TLL1: variants seen among roughly 807,000 people sequenced by gnomAD.
TLL1 encodes tolloid like 1.
In TLL1, 49 loss-of-function variants were observed where a neutral mutation model predicts 128.2. The ratio of observed to expected loss-of-function variants is 0.38; its 90% CI spans 0.30 to 0.48. TLL1 has a LOEUF of 0.48. Among genes scored for constraint, TLL1 ranks in the 20% least tolerant of loss-of-function variants. The pLI, the probability that TLL1 is intolerant of heterozygous loss-of-function variation, is 0.96. For synonymous variants in TLL1, 454 were observed against 418.8 expected (o/e 1.08, Z -1.03); for missense variants, 1,123 against 1,242.0 (o/e 0.90, Z 1.44).
chr4:165,947,192 C>A (rs970147309), intron 1 of TLL1, among the ~76,000 whole-genome samples: 2 of 152,156 alleles, frequency 1.3e-5, no homozygotes, highest in East Asian at 3.9e-4. Flanking sequence ...CACATATGAC[C>A]TTTTCTTTGT....
intron 1 of TLL1, among the ~76,000 whole-genome samples, chr4:165,941,037 T>G (rs910915409): frequency 1.3e-5 from 2 of 152,034 alleles, no homozygotes; most frequent in Non-Finnish European, 2.9e-5. Context: ...TTTATGATCA[T>G]TTTATATCAT....
chr4:166,020,077 T>C, intron 8 of TLL1, among the ~76,000 whole-genome samples: 1 of 152,150 alleles, frequency 6.6e-6, no homozygotes, highest in East Asian at 1.9e-4. Context: ...TAAGAAAGAA[T>C]ATGATCCCTT....
rs771749988 is a variant in TLL1 at position 165,992,818 on chromosome 4, C to T, written c.295C>T (p.His99Tyr). 6.2e-7 allele frequency: 1 copy of T among 1,613,132 alleles called. No individual in the cohort carries two copies. Among genetic ancestry groups the T allele is most frequent in the Non-Finnish European group, 8.5e-7 (1 of 1,179,314 alleles). ...LGHTTGGLGD[H>Y]AMSKKRGALY... ...TATTCTTTAAGGTGGACTTGGAGAC[C>T]ATGCTATGTCAAAGAAGCGAGGGGC... The change falls in exon 3 of 21, where the codon CAT (histidine) becomes TAT (tyrosine). Residue 99 changes from histidine to tyrosine, a missense_variant. By Grantham distance (83) the His-to-Tyr change is moderately conservative (BLOSUM62 2). Around this residue, in one of 3 missense-constraint regions of TLL1, gnomAD observed 480 missense variants for 542.4 expected, o/e 0.89. Coordinates refer to ENST00000061240, the MANE Select transcript of TLL1 (RefSeq NM_012464.5).
chr4:165,962,670 A>G (rs1318921107), intron 1 of TLL1, among the ~76,000 whole-genome samples: 2 of 152,174 alleles, frequency 1.3e-5, no homozygotes, highest in African/African-American at 2.4e-5. Flanking sequence ...GTGCTCATCA[A>G]TGGTGGACTG....
chr4:165,990,880 A>G (rs1330004339), intron 2 of TLL1, among the ~76,000 whole-genome samples: 1 of 152,010 alleles, frequency 6.6e-6, no homozygotes, highest in African/African-American at 2.4e-5. Flanking sequence ...AACATATATC[A>G]GTATGGGTGC....
chr4:166,034,428 G>A (rs1738904745), intron 9 of TLL1, among the ~76,000 whole-genome samples: 1 of 152,104 alleles, frequency 6.6e-6, no homozygotes, highest in African/African-American at 2.4e-5. Flanking sequence ...GTGGGATGAA[G>A]TTTATGTGCT....
At chr4:166,005,682 A>T (rs1737391783) in intron 6 of TLL1, among the ~76,000 whole-genome samples, 2 of 151,960 alleles carry the variant, frequency 1.3e-5, no homozygotes, top group South Asian at 4.1e-4. Flanking sequence ...AAATTATTTC[A>T]ACTACCACAT....
At chr4:165,895,299 A>G (rs1731619094) in intron 1 of TLL1, among the ~76,000 whole-genome samples, 1 of 152,184 alleles carries the variant, frequency 6.6e-6, no homozygotes, top group South Asian at 2.1e-4. Context: ...ATGTGAGTTT[A>G]GTAAGATTTC....
chr4:166,030,846 G>T, intron 9 of TLL1: 1 of 998,796 alleles, frequency 1.0e-6, no homozygotes, highest in Non-Finnish European at 1.2e-6. Context: ...TAGCGTTTTT[G>T]TTTTTTTCTG....
intron 1 of TLL1, among the ~76,000 whole-genome samples, chr4:165,966,665 G>A (rs1017266069): frequency 3.3e-5 from 5 of 152,190 alleles, no homozygotes; most frequent in East Asian, 3.9e-4. Context: ...GGCAGGTTCC[G>A]TGACGTCCCT....
Position 166,030,759 on chromosome 4 carries a change from C to T in TLL1, c.1158+5328C>T, listed in dbSNP as rs1738731260. 3.6e-6 allele frequency: 4 copies of T among 1,122,962 alleles called. No homozygotes were observed. The South Asian group carries it at 1.3e-4, about 37-fold the overall frequency. The allele number at this position is 1,122,962 out of a possible 1,614,324, so 69.6% of individuals were successfully genotyped here. A position where few individuals can be genotyped will look rare whatever the true frequency, so the allele number is the denominator to read the frequency against. ...TTACTAAATGTTTTTATTCAGCATTCCTGCTCATGTTTCTGACTTCTATTA... is the reference window on the plus strand; with the variant it reads ...TTACTAAATGTTTTTATTCAGCATTTCTGCTCATGTTTCTGACTTCTATTA... On this transcript the variant is annotated intron_variant, in intron 9 of 20. Coordinates refer to ENST00000061240, the MANE Select transcript of TLL1 (RefSeq NM_012464.5).
intron 1 of TLL1, among the ~76,000 whole-genome samples, chr4:165,974,067 C>G (rs546851463): frequency 1.5e-4 from 23 of 151,230 alleles, no homozygotes; most frequent in African/African-American, 5.6e-4. Flanking sequence ...CCTGGCATAG[C>G]TGACCTGCTG....
At chr4:166,075,090 T>A (rs1019883821) in intron 17 of TLL1, 87 bp downstream of exon 17, 1 of 1,565,130 alleles carries the variant, frequency 6.4e-7, no homozygotes, top group African/African-American at 1.4e-5. Flanking sequence ...AGTTAATCAT[T>A]TCAATGAGTG....
chr4:165,959,447 C>A (rs1487967141), intron 1 of TLL1, among the ~76,000 whole-genome samples: 1 of 151,948 alleles, frequency 6.6e-6, no homozygotes, highest in African/African-American at 2.4e-5. Flanking sequence ...AAGTTGGATT[C>A]CTAAGTATTT....
chr4:166,008,464 C>T (rs979089328), intron 7 of TLL1, among the ~76,000 whole-genome samples: 9 of 151,402 alleles, frequency 5.9e-5, no homozygotes, highest in African/African-American at 1.9e-4. Flanking sequence ...ACAATCTAGG[C>T]GACTTGTGCT....
intron 1 of TLL1, among the ~76,000 whole-genome samples, chr4:165,920,610 A>G (rs1032663555): frequency 3.9e-5 from 6 of 152,216 alleles, no homozygotes; most frequent in Non-Finnish European, 8.8e-5. Flanking sequence ...TTGTATTAAG[A>G]TGGAATTTTC....
chr4:165,903,383 A>T (rs180781430), intron 1 of TLL1, among the ~76,000 whole-genome samples: 2,245 of 148,436 alleles, frequency 0.015, 25 homozygotes, highest in Non-Finnish European at 0.021. Context: ...TATACTAAAA[A>T]TTTTTCTAAA....
At chr4:165,985,323 C>T (rs772880757) in intron 1 of TLL1, among the ~76,000 whole-genome samples, 5 of 151,926 alleles carry the variant, frequency 3.3e-5, no homozygotes, top group African/African-American at 7.2e-5. Context: ...AGTGTGCTCT[C>T]GACTGGTAAC....
At chr4:166,046,158 A>G (rs1237106457) in intron 12 of TLL1, among the ~76,000 whole-genome samples, 1 of 152,198 alleles carries the variant, frequency 6.6e-6, no homozygotes, top group African/African-American at 2.4e-5. Context: ...TGGGTAATAG[A>G]TGAGAAAAAT....
Sources: gnomAD v4.1 joint callset for allele counts (sites outside exome capture counted in the v4.1 genomes callset) on GRCh38, gnomAD v4.1.1 for gene constraint, gnomAD v4.1.1 regional missense constraint, MANE v1.5 for transcripts, NCBI Gene and HGNC (gene_info 2026-07-23, HGNC 2026-07-21) for gene names.